Variants in KALRN observed in about 807,000 individuals in gnomAD.
KALRN encodes kalirin RhoGEF kinase, also known as kalirin.
A neutral mutation model predicts 353.7 loss-of-function variants in KALRN; 70 were observed. The ratio of observed to expected loss-of-function variants is 0.20; its 90% CI spans 0.16 to 0.24. The LOEUF is 0.24. KALRN is among the 10% of genes least tolerant of loss of function. The pLI is 1.00. For missense variants in KALRN, 2,791 were observed against 3,756.7 expected (o/e 0.74, Z 6.72); for synonymous variants, 1,391 against 1,434.8 (o/e 0.97, Z 0.69).
At chr3:124,142,544 G>T (rs147466546) in intron 1 of KALRN, among the ~76,000 whole-genome samples, 1 of 152,302 alleles carries the variant, frequency 6.6e-6, no homozygotes, top group South Asian at 2.1e-4. Flanking sequence ...GTACCTGAAG[G>T]TTAATTTCAG....
intron 1 of KALRN, among the ~76,000 whole-genome samples, chr3:124,218,610 G>T (rs1298507476): frequency 2.0e-5 from 3 of 152,172 alleles, no homozygotes; most frequent in African/African-American, 7.2e-5. Context: ...AGTTAGAAAG[G>T]AATCAGTTTC....
At chr3:124,291,063 T>C (rs2076380288) in intron 5 of KALRN, among the ~76,000 whole-genome samples, 1 of 152,154 alleles carries the variant, frequency 6.6e-6, no homozygotes, top group Admixed American at 6.5e-5. Flanking sequence ...CTACTGAGAA[T>C]GATAGAAGAT....
intron 1 of KALRN, among the ~76,000 whole-genome samples, chr3:124,208,442 A>G (rs1000119121): frequency 1.3e-5 from 2 of 152,206 alleles, no homozygotes; most frequent in African/African-American, 2.4e-5. Flanking sequence ...GAGCTTGTAT[A>G]TACTTTTTTG....
chr3:124,570,491 A>C (rs1279766665), intron 34 of KALRN, among the ~76,000 whole-genome samples: 1 of 152,208 alleles, frequency 6.6e-6, no homozygotes, highest in Non-Finnish European at 1.5e-5. Context: ...ACACTAGCCC[A>C]CAACATTTTC....
At position 124,661,609 on chromosome 3, in the gene KALRN, G is replaced by T. The variant is rs185897804; in HGVS notation, c.6268-242G>T. The stretch of plus-strand genomic sequence containing the variant: ...CAGGAAGGTAGGGAAAGGAGGGGCT[G>T]AGTAATATTCCCCCAACATATGCTC... On this transcript the variant is annotated intron_variant, in intron 44 of 59. Transcript: ENST00000682506. Among the ~76,000 whole-genome samples, 55 of 152,316 alleles carry T rather than the reference G, an allele frequency of 3.6e-4. 1 individual carries two copies. Among genetic ancestry groups the T allele is most frequent in the African/African-American group, 1.3e-3 (53 of 41,568 alleles).
Position 124,163,466 on chromosome 3 carries a change from G to A in KALRN, c.74-64524G>A, listed in dbSNP as rs189721157. On this transcript the variant is annotated intron_variant, in intron 1 of 59. Transcript: ENST00000682506. ...TAAGGTATTTATTTTGACAAATCAC[G>A]TTGCAAGTAATGTGAAAGCAGTTTG... 1.1e-3 allele frequency: 288 copies of A among 261,830 alleles called. 1 individual carries two copies. The highest frequency in any genetic ancestry group is 6.4e-3 in the African/African-American group (277 of 43,496). 16.2% of individuals were successfully genotyped at this position (261,830 alleles called of 1,614,324 possible).
intron 45 of KALRN, 63 bp from the exon 46 acceptor site, chr3:124,666,386 C>A: frequency 6.6e-7 from 1 of 1,505,078 alleles, no homozygotes; most frequent in Non-Finnish European, 9.2e-7. Flanking sequence ...TTCTGTGGAC[C>A]CAGAGGGCAG....
chr3:124,141,659 G>A (rs2066639376), intron 1 of KALRN, among the ~76,000 whole-genome samples: 1 of 152,084 alleles, frequency 6.6e-6, no homozygotes, highest in Non-Finnish European at 1.5e-5. Context: ...CTTTTCCATA[G>A]CACTTGGCAC....
At chr3:124,368,153 C>A in intron 10 of KALRN, among the ~76,000 whole-genome samples, 1 of 83,488 alleles carries the variant, frequency 1.2e-5, no homozygotes, top group Non-Finnish European at 2.4e-5. Context: ...ACCCCCCCCA[C>A]CTCCCTCCCG....
chr3:124,134,721 G>C (rs1471132815), intron 1 of KALRN, among the ~76,000 whole-genome samples: 2 of 152,118 alleles, frequency 1.3e-5, no homozygotes, highest in Non-Finnish European at 2.9e-5. Flanking sequence ...TTAAGGACAT[G>C]AATAGACGAT....
chr3:124,637,316 C>T lies in KALRN; in HGVS notation c.5664+13C>T. The T allele has an allele frequency of 1.3e-6, 2 of 1,597,130 alleles. No homozygotes were observed. Among genetic ancestry groups the T allele is most frequent in the Non-Finnish European group, 1.7e-6 (2 of 1,164,590 alleles). ...CAAAAACAAGCTGGTAAGTGGGGGT[C>T]CTGGAGGCAGTTCTGTGTGTGTCTC... is the stretch of plus-strand genomic sequence containing the variant. On this transcript the variant is annotated intron_variant, in intron 37 of 59. Coordinates refer to ENST00000682506, the MANE Select transcript of KALRN (RefSeq NM_001388419.1).
At chr3:124,274,743 C>A (rs1163213464) in intron 5 of KALRN, among the ~76,000 whole-genome samples, 1 of 152,148 alleles carries the variant, frequency 6.6e-6, no homozygotes, top group Non-Finnish European at 1.5e-5. Context: ...GACATCTAGC[C>A]CAAATGAGAA....
At chr3:124,467,401 TC>T (rs2060448785) in intron 25 of KALRN, among the ~76,000 whole-genome samples, 1 of 152,132 alleles carries the variant, frequency 6.6e-6, no homozygotes, top group Admixed American at 6.5e-5. Context: ...GAATGACATA[TC>T]TGTCTGCAAT....
At chr3:124,658,028 C>T (rs1318518167) in intron 41 of KALRN, among the ~76,000 whole-genome samples, 1 of 152,122 alleles carries the variant, frequency 6.6e-6, no homozygotes, top group Non-Finnish European at 1.5e-5. Flanking sequence ...GTGGCACATG[C>T]CTATAGTCCT....
At chr3:124,191,377 T>G (rs2150313561) in intron 1 of KALRN, among the ~76,000 whole-genome samples, 1 of 152,344 alleles carries the variant, frequency 6.6e-6, no homozygotes, top group East Asian at 1.9e-4. Context: ...GTCTTTCCAG[T>G]GGCCAGCCCC....
chr3:124,664,520 C>T (rs149225935), intron 45 of KALRN, among the ~76,000 whole-genome samples: 2,098 of 151,934 alleles, frequency 0.014, 61 homozygotes, highest in African/African-American at 0.047. Flanking sequence ...AGGCGATTCT[C>T]CTGCCTCAGC....
chr3:124,714,768 CACTTTGAG>C (rs942425827), intron 58 of KALRN, among the ~76,000 whole-genome samples: 1 of 152,144 alleles, frequency 6.6e-6, no homozygotes, highest in Non-Finnish European at 1.5e-5. Context: ...GTAATTCTAG[CACTTTGAG>C]AGGCCGAGGT....
intron 56 of KALRN, among the ~76,000 whole-genome samples, chr3:124,701,034 AG>A (rs2062301009): frequency 4.6e-5 from 7 of 152,212 alleles, no homozygotes; most frequent in Admixed American, 4.6e-4. Flanking sequence ...GGGAAACCTG[AG>A]GGAACTGGCT....
At chr3:124,441,741 G>T (rs1189012103) in intron 18 of KALRN, among the ~76,000 whole-genome samples, 1 of 152,024 alleles carries the variant, frequency 6.6e-6, no homozygotes, top group Non-Finnish European at 1.5e-5. Context: ...TGGAAGGACT[G>T]CTTGAGCCTG....
Sources: gnomAD v4.1 joint callset for allele counts (sites outside exome capture counted in the v4.1 genomes callset) on GRCh38, gnomAD v4.1.1 for gene constraint, MANE v1.5 for transcripts, NCBI Gene and HGNC (gene_info 2026-07-23, HGNC 2026-07-21) for gene names.